TRDN: variants seen among roughly 807,000 people sequenced by gnomAD.
The protein encoded by TRDN is triadin.
In TRDN, 161 loss-of-function variants were observed where a neutral mutation model predicts 149.7. The observed-to-expected ratio is 1.08, with a 90% CI of 0.95 to 1.23. The LOEUF (loss-of-function observed/expected upper bound fraction) is 1.23, where lower values mean the gene tolerates loss of function less well. Among genes scored for constraint, TRDN ranks in the 50% most tolerant of loss-of-function variants. The probability of loss-of-function intolerance (pLI) is 0.00; values close to 1 mark genes in which losing one functional copy is unlikely to be tolerated. For synonymous variants in TRDN, 294 were observed against 250.5 expected, an observed-to-expected ratio of 1.17 and a Z score of -1.64; for missense variants, 896 against 823.5, an observed-to-expected ratio of 1.09 and a Z score of -1.08.
intron 9 of TRDN, chr6:123,489,368 C>T (rs901244192): frequency 1.3e-5 from 2 of 152,016 alleles, no homozygotes; most frequent in Non-Finnish European, 2.9e-5. Context: ...GCGTGACCAC[C>T]GAGTTTATAT....
intron 20 of TRDN, among the ~76,000 whole-genome samples, chr6:123,364,443 C>T (rs1781013483): frequency 6.6e-6 from 1 of 152,148 alleles, no homozygotes; most frequent in Non-Finnish European, 1.5e-5. Flanking sequence ...TTGAGACCAC[C>T]CTGGCCAACA....
chr6:123,225,997 T>C (rs1775346521), intron 38 of TRDN, among the ~76,000 whole-genome samples: 1 of 151,846 alleles, frequency 6.6e-6, no homozygotes, highest in South Asian at 2.1e-4. Context: ...AGGGTCAGTA[T>C]GCAAATTTCG....
chr6:123,542,313 T>G (rs1022859767), intron 4 of TRDN, among the ~76,000 whole-genome samples: 7 of 152,210 alleles, frequency 4.6e-5, no homozygotes, highest in African/African-American at 1.7e-4. Flanking sequence ...TAGATTGGCT[T>G]CTGGTGTTTT....
At chr6:123,289,872 CA>C (rs1777939794) in intron 24 of TRDN, among the ~76,000 whole-genome samples, 2 of 152,022 alleles carry the variant, frequency 1.3e-5, no homozygotes, top group Admixed American at 6.6e-5. Context: ...CTGCTATGAG[CA>C]AGAGGGCCAT....
intron 10 of TRDN, among the ~76,000 whole-genome samples, chr6:123,444,010 T>C (rs1488863059): frequency 6.6e-6 from 1 of 151,140 alleles, no homozygotes; most frequent in Non-Finnish European, 1.5e-5. Context: ...TAGGCTCTTT[T>C]TTGGTCCCAT....
intron 8 of TRDN, among the ~76,000 whole-genome samples, chr6:123,498,993 T>C (rs976642813): frequency 6.6e-6 from 1 of 152,126 alleles, no homozygotes; most frequent in Non-Finnish European, 1.5e-5. Flanking sequence ...AAAATTAAAA[T>C]GCCATGGATC....
At position 123,410,076 on chromosome 6, in the gene TRDN, T is replaced by C. The variant is rs1773368459; in HGVS notation, c.1052-16399A>G. 1.3e-5 allele frequency among the ~76,000 whole-genome samples: 2 copies of C among 152,296 alleles called. 1 individual carries two copies. The highest frequency in any genetic ancestry group is 1.3e-4 in the Admixed American group (2 of 15,300). ...ACATTGAAACTCTTCAATTAAGACTTTATCCTAGGGACAAAGTAAAGCTTT... is the reference window on the plus strand; with the variant it reads ...ACATTGAAACTCTTCAATTAAGACTCTATCCTAGGGACAAAGTAAAGCTTT... On this transcript the variant is annotated intron_variant, in intron 12 of 40. Transcript: ENST00000334268.
intron 1 of TRDN, among the ~76,000 whole-genome samples, chr6:123,578,100 AT>A (rs1475764106): frequency 6.6e-6 from 1 of 152,048 alleles, no homozygotes; most frequent in African/African-American, 2.4e-5. Context: ...CATTCTGGTG[AT>A]AGTTTCCTTT....
At chr6:123,371,653 T>C (rs968102550) in intron 19 of TRDN, among the ~76,000 whole-genome samples, 3 of 152,202 alleles carry the variant, frequency 2.0e-5, no homozygotes, top group African/African-American at 7.2e-5. Flanking sequence ...TCTGTCAGTA[T>C]TCATCAGTCT....
At position 123,446,007 on chromosome 6, in the gene TRDN, C is replaced by G. The variant is rs571986715; in HGVS notation, c.932-7004G>C. Among the ~76,000 whole-genome samples, 33 of 148,786 alleles carry G rather than the reference C, an allele frequency of 2.2e-4. No homozygotes were observed. The East Asian group carries it at 6.0e-3, about 27-fold the overall frequency. On this transcript the variant is annotated intron_variant, in intron 10 of 40. Transcript: ENST00000334268. ...AACCCAAATGTCCAACAATGATAGA[C>G]CGGATTAAGAAAATGTGGCACATAT...
At chr6:123,448,128 A>C (rs112118530) in intron 10 of TRDN, among the ~76,000 whole-genome samples, 2,585 of 152,292 alleles carry the variant, frequency 0.017, 28 homozygotes, top group Middle Eastern at 0.051. Flanking sequence ...GCCTGGCACC[A>C]CAGGGATTCA....
At chr6:123,462,021 T>G (rs974448595) in intron 10 of TRDN, among the ~76,000 whole-genome samples, 1 of 152,210 alleles carries the variant, frequency 6.6e-6, no homozygotes, top group Non-Finnish European at 1.5e-5. Context: ...CATTTTAAAT[T>G]AGTTTCAGTT....
At chr6:123,473,411 G>A (rs1424130018) in intron 9 of TRDN, among the ~76,000 whole-genome samples, 11 of 151,756 alleles carry the variant, frequency 7.2e-5, no homozygotes, top group South Asian at 6.2e-4. Flanking sequence ...ATAAAAAGAA[G>A]TGAGCAAAGC....
At chr6:123,485,271 G>A (rs186994053) in intron 9 of TRDN, among the ~76,000 whole-genome samples, 3 of 152,270 alleles carry the variant, frequency 2.0e-5, no homozygotes, top group Admixed American at 6.5e-5. Context: ...TCTGTCTCTA[G>A]AGATATAACC....
intron 4 of TRDN, among the ~76,000 whole-genome samples, chr6:123,538,353 T>C (rs545468748): frequency 6.6e-6 from 1 of 152,328 alleles, no homozygotes; most frequent in Non-Finnish European, 1.5e-5. Flanking sequence ...ATTTAGTGGC[T>C]AATTAAATAA....
intron 12 of TRDN, among the ~76,000 whole-genome samples, chr6:123,436,786 A>G (rs1215668815): frequency 6.6e-6 from 1 of 152,106 alleles, no homozygotes; most frequent in East Asian, 1.9e-4. Context: ...ATTACACAGG[A>G]AAGATCTGGA....
intron 40 of TRDN, among the ~76,000 whole-genome samples, chr6:123,220,228 G>A (rs970005591): frequency 2.0e-5 from 3 of 151,844 alleles, no homozygotes; most frequent in Non-Finnish European, 2.9e-5. Context: ...AGTTAATACA[G>A]AAAGATACCA....
Position 123,430,385 on chromosome 6 carries a change from AC to A in TRDN, c.1051+7677del, listed in dbSNP as rs1774286358. ...ATCACAAGGTCAGGAGATTGAGACCACCCTGGCTAACACGGTGAAACCCCGT... is the reference window on the plus strand; with the variant it reads ...ATCACAAGGTCAGGAGATTGAGACCACCTGGCTAACACGGTGAAACCCCGT... On this transcript the variant is annotated intron_variant, in intron 12 of 40. Coordinates refer to ENST00000334268, the MANE Select transcript of TRDN (RefSeq NM_006073.4). Among the ~76,000 whole-genome samples the A allele has an allele frequency of 4.0e-5, 6 of 151,052 alleles. No individual in the cohort carries two copies. In the South Asian group the frequency reaches 1.3e-3, roughly 32 times the overall value.
At chr6:123,310,912 T>C (rs1778792535) in intron 24 of TRDN, among the ~76,000 whole-genome samples, 1 of 152,022 alleles carries the variant, frequency 6.6e-6, no homozygotes, top group Admixed American at 6.6e-5. Context: ...TCTACTGTTC[T>C]GTGCAAATGC....
Sources: allele counts gnomAD v4.1 joint callset (sites outside exome capture counted in the v4.1 genomes callset), GRCh38; gene constraint gnomAD v4.1.1; transcripts MANE v1.5; gene names NCBI Gene and HGNC (gene_info 2026-07-23, HGNC 2026-07-21).